Variants in OSBPL10 observed in about 807,000 individuals in gnomAD.
The protein encoded by OSBPL10 is oxysterol-binding protein-related protein 10.
Under a neutral mutation model 81.7 loss-of-function variants are expected in OSBPL10, and 49 were observed. The ratio of observed to expected loss-of-function variants is 0.60; its 90% CI spans 0.48 to 0.76. The LOEUF (loss-of-function observed/expected upper bound fraction) is 0.76. Ranked by LOEUF, OSBPL10 falls within the 30% of genes least tolerant of loss-of-function variation. The probability of loss-of-function intolerance (pLI) is 0.00; values close to 1 mark genes in which losing one functional copy is unlikely to be tolerated. For missense variants in OSBPL10, 923 were observed against 987.8 expected, an observed-to-expected ratio of 0.93 and a Z score of 0.88; for synonymous variants, 419 against 383.6, an observed-to-expected ratio of 1.09 and a Z score of -1.08.
chr3:31,836,439 T>C lies in OSBPL10; in HGVS notation c.538-6208A>G, dbSNP rs146818658. 3.3e-5 allele frequency among the ~76,000 whole-genome samples: 5 copies of C among 152,276 alleles called. No individual in the cohort carries two copies. The East Asian group carries it at 5.8e-4, about 18-fold the overall frequency. ...AAAAATTGTCACAAGCAAATGCATA[T>C]ATTTCATTTCCTGCAAATAGTGGGA... is the stretch of plus-strand genomic sequence containing the variant. On this transcript the variant is annotated intron_variant, in intron 3 of 11. Transcript: ENST00000396556.
chr3:31,744,537 CAAAA>C (rs58546446), intron 5 of OSBPL10, among the ~76,000 whole-genome samples: 1 of 96,320 alleles, frequency 1.0e-5, no homozygotes, highest in African/African-American at 4.0e-5. Context: ...GACTCCGTCT[CAAAA>C]AAAAAAAAAA....
intron 3 of OSBPL10, among the ~76,000 whole-genome samples, chr3:31,863,426 T>C (rs1347203465): frequency 1.3e-5 from 2 of 152,212 alleles, no homozygotes; most frequent in African/African-American, 2.4e-5. Flanking sequence ...AAGTAAACTT[T>C]ATGGTATGTG....
At chr3:31,732,243 C>T (rs1696995888) in intron 6 of OSBPL10, among the ~76,000 whole-genome samples, 1 of 152,198 alleles carries the variant, frequency 6.6e-6, no homozygotes, top group Non-Finnish European at 1.5e-5. Flanking sequence ...TCTAACACCC[C>T]TTAAAGATGC....
Position 31,683,622 on chromosome 3 carries a change from G to A in OSBPL10, c.1726+12C>T, listed in dbSNP as rs755959251. ...GTGTAAGAGCCAAACTCCAACATAC[G>A]ACATGGCTTACCTTCCCCTATCATA... On this transcript the variant is annotated intron_variant, in intron 8 of 11. Transcript: ENST00000396556. 7.5e-6 allele frequency: 12 copies of A among 1,602,228 alleles called. No individual in the cohort carries two copies. Among genetic ancestry groups the A allele is most frequent in the South Asian group, 3.3e-5 (3 of 90,814 alleles).
At chr3:31,905,344 G>GTTTTTTTTTTTTTTTTTTTTTTTTT (rs1575608407) in intron 1 of OSBPL10, among the ~76,000 whole-genome samples, 1 of 70,716 alleles carries the variant, frequency 1.4e-5, no homozygotes, top group Admixed American at 1.8e-4. Flanking sequence ...GGAACCTGGT[G>GTTTTTTTTTTTTTTTTTTTTTTTTT]ATTTTTTTTT....
At chr3:31,913,469 C>T (rs1370892617) in intron 1 of OSBPL10, among the ~76,000 whole-genome samples, 6 of 152,036 alleles carry the variant, frequency 3.9e-5, no homozygotes, top group Non-Finnish European at 5.9e-5. Context: ...AGGATGGTCT[C>T]GATCTCCTGA....
intron 1 of OSBPL10, among the ~76,000 whole-genome samples, chr3:31,917,507 C>T (rs1696792890): frequency 6.6e-6 from 1 of 151,708 alleles, no homozygotes; most frequent in Non-Finnish European, 1.5e-5. Flanking sequence ...AGACTACAGA[C>T]ACCCAAACCT....
chr3:32,039,993 A>T (rs930155181), intron 2 of OSBPL10, among the ~76,000 whole-genome samples: 2 of 152,234 alleles, frequency 1.3e-5, no homozygotes, highest in African/African-American at 4.8e-5. Flanking sequence ...AAGGAAGGAC[A>T]TGGGCCAGCT....
rs201464849 is a variant in OSBPL10 at position 32,018,680 on chromosome 3, TG to T, written n.298+27810del. 3.6e-3 allele frequency among the ~76,000 whole-genome samples: 552 copies of T among 152,244 alleles called. 8 individuals carry two copies. Among genetic ancestry groups the T allele is most frequent in the African/African-American group, 0.012 (496 of 41,558 alleles). On this transcript the variant is annotated intron_variant and non_coding_transcript_variant, in intron 2 of 3. Coordinates refer to the OSBPL10 transcript ENST00000479173. ...ATGATCACACCACTGCCCTCCAGCC[TG>T]GGCAGCAACACAGCAAGACTCTGTC...
In OSBPL10 at chr3:31,826,605, A is replaced by C. The variant is rs116809454; in HGVS notation, c.729+3435T>G. On this transcript the variant is annotated intron_variant, in intron 4 of 11. Coordinates refer to ENST00000396556, the MANE Select transcript of OSBPL10 (RefSeq NM_017784.5). The stretch of plus-strand genomic sequence containing the variant: ...TGTCTTGTGTATGATGATTTTCTCC[A>C]TTGCTTCTGTGGTCATAAGTTTATC... Among the ~76,000 whole-genome samples the C allele has an allele frequency of 1.5e-3, 233 of 152,202 alleles. 1 individual carries two copies. The highest frequency in any genetic ancestry group is 3.4e-3 in the Middle Eastern group (1 of 294).
At chr3:31,700,896 T>A (rs565951171) in intron 7 of OSBPL10, among the ~76,000 whole-genome samples, 3 of 152,140 alleles carry the variant, frequency 2.0e-5, no homozygotes, top group Non-Finnish European at 4.4e-5. Flanking sequence ...CAAGTCGTCA[T>A]AGCTTGGTGT....
At chr3:31,985,989 T>G (rs77797670), upstream of OSBPL10, among the ~76,000 whole-genome samples, 1 of 152,220 alleles carries the variant, frequency 6.6e-6, no homozygotes, top group African/African-American at 2.4e-5. Flanking sequence ...ATTTGGCTAC[T>G]GAGCGTGAGT....
chr3:31,801,312 T>C (rs1358380874), intron 4 of OSBPL10, among the ~76,000 whole-genome samples: 3 of 152,172 alleles, frequency 2.0e-5, no homozygotes, highest in Admixed American at 6.6e-5. Context: ...CAGAGACAGA[T>C]AGCTACTGCC....
chr3:32,034,216 T>C (rs186224226), intron 2 of OSBPL10, among the ~76,000 whole-genome samples: 27 of 152,022 alleles, frequency 1.8e-4, no homozygotes, highest in African/African-American at 6.0e-4. Flanking sequence ...GGGATTACAA[T>C]TAGAGGTGAG....
intron 1 of OSBPL10, 80 bp from the exon 2 acceptor site, chr3:31,879,910 C>A: frequency 7.2e-7 from 1 of 1,388,718 alleles, no homozygotes; most frequent in East Asian, 2.5e-5. Flanking sequence ...CAAAGTGATC[C>A]AGAAGTCAAC....
upstream of OSBPL10, among the ~76,000 whole-genome samples, chr3:31,985,751 G>A (rs2125515056): frequency 6.6e-6 from 1 of 152,318 alleles, no homozygotes; most frequent in East Asian, 1.9e-4. Flanking sequence ...GGTCTGATGT[G>A]TTGTACGTCC....
chr3:31,764,462 G>A (rs963585038), intron 4 of OSBPL10, among the ~76,000 whole-genome samples: 13 of 152,128 alleles, frequency 8.5e-5, no homozygotes, highest in African/African-American at 2.7e-4. Flanking sequence ...AAGGAAGGGC[G>A]ATTAAAGGGA....
chr3:31,888,998 C>T (rs974198920), intron 1 of OSBPL10, among the ~76,000 whole-genome samples: 6 of 152,016 alleles, frequency 3.9e-5, no homozygotes, highest in African/African-American at 1.4e-4. Flanking sequence ...TAAAAATGAT[C>T]TGAAGATATT....
At chr3:31,836,612 T>C (rs4639010) in intron 3 of OSBPL10, among the ~76,000 whole-genome samples, 75,332 of 149,794 alleles carry the variant, frequency 0.5, 19,934 homozygotes, top group East Asian at 0.74. Context: ...CTGGAATCCC[T>C]AGCCAGTCTC....
Sources: allele counts gnomAD v4.1 joint callset (sites outside exome capture counted in the v4.1 genomes callset), GRCh38; gene constraint gnomAD v4.1.1; transcripts MANE v1.5; gene names NCBI Gene and HGNC (gene_info 2026-07-23, HGNC 2026-07-21).